Variants in SCD5 observed in about 807,000 individuals in gnomAD.
SCD5 encodes the protein acyl-CoA-desaturase 4.
Under a neutral mutation model 30.4 loss-of-function variants are expected in SCD5, and 20 were observed. That is an observed-to-expected ratio of 0.66 (90% CI 0.46 to 0.96). SCD5 has a LOEUF of 0.96. Among genes scored for constraint, SCD5 ranks in the 40% least tolerant of loss-of-function variants. The probability of loss-of-function intolerance (pLI) is 0.00; values close to 1 mark genes in which losing one functional copy is unlikely to be tolerated. For synonymous variants in SCD5, 173 were observed against 176.4 expected (o/e 0.98, Z 0.16); for missense variants, 381 against 443.3 (o/e 0.86, Z 1.26).
At chr4:82,751,230 C>CT (rs755998320) in intron 1 of SCD5, among the ~76,000 whole-genome samples, 10 of 152,176 alleles carry the variant, frequency 6.6e-5, no homozygotes, top group Non-Finnish European at 1.0e-4. Flanking sequence ...GAGTCTCACT[C>CT]TGTCGCTCAG....
intron 3 of SCD5, among the ~76,000 whole-genome samples, chr4:82,659,678 G>T (rs772454501): frequency 5.3e-5 from 8 of 152,148 alleles, no homozygotes; most frequent in Non-Finnish European, 7.3e-5. Flanking sequence ...TACTTTGATT[G>T]CACTGTGGTC....
intron 1 of SCD5, among the ~76,000 whole-genome samples, chr4:82,763,992 G>A (rs1721433283): frequency 6.6e-6 from 1 of 152,118 alleles, no homozygotes; most frequent in Non-Finnish European, 1.5e-5. Flanking sequence ...GTTGCGTGAT[G>A]TATCTTTTTC....
At chr4:82,639,072 A>G (rs555628875) in intron 3 of SCD5, among the ~76,000 whole-genome samples, 61 of 152,372 alleles carry the variant, frequency 4.0e-4, no homozygotes, top group African/African-American at 1.3e-3. Context: ...CTGAAAAAAC[A>G]TACGTCAATG....
At chr4:82,754,233 G>A (rs750822648) in intron 1 of SCD5, among the ~76,000 whole-genome samples, 22 of 152,102 alleles carry the variant, frequency 1.4e-4, no homozygotes, top group Non-Finnish European at 2.4e-4. Flanking sequence ...AAAGGAGAAG[G>A]GAGAGAAGAA....
intron 1 of SCD5, among the ~76,000 whole-genome samples, chr4:82,779,218 T>C (rs1721817275): frequency 1.3e-5 from 2 of 151,806 alleles, no homozygotes; most frequent in Non-Finnish European, 3.0e-5. Flanking sequence ...GTGGGTGTGC[T>C]TAATGTAATA....
chr4:82,753,779 G>C (rs1470890534), intron 1 of SCD5, among the ~76,000 whole-genome samples: 9 of 152,062 alleles, frequency 5.9e-5, no homozygotes, highest in Non-Finnish European at 1.3e-4. Flanking sequence ...AAAGCAGCCA[G>C]CACATACCCC....
At chr4:82,752,625 A>G (rs995552799) in intron 1 of SCD5, among the ~76,000 whole-genome samples, 4 of 152,094 alleles carry the variant, frequency 2.6e-5, no homozygotes, top group African/African-American at 4.8e-5. Context: ...CAGCTGAACA[A>G]TATCTGTCCC....
chr4:82,719,030 C>T (rs1160820662), intron 1 of SCD5, among the ~76,000 whole-genome samples: 1 of 151,796 alleles, frequency 6.6e-6, no homozygotes, highest in Non-Finnish European at 1.5e-5. Flanking sequence ...AGGGGGCTCG[C>T]TGCTAGCCGA....
chr4:82,766,298 C>T (rs1383409114), intron 1 of SCD5, among the ~76,000 whole-genome samples: 3 of 152,126 alleles, frequency 2.0e-5, no homozygotes, highest in South Asian at 2.1e-4. Flanking sequence ...TTTTTCCCTC[C>T]GTGTACTTTT....
At chr4:82,758,991 G>A (rs1182921028) in intron 1 of SCD5, among the ~76,000 whole-genome samples, 2 of 152,208 alleles carry the variant, frequency 1.3e-5, no homozygotes, top group African/African-American at 2.4e-5. Flanking sequence ...CTCCGCCCCA[G>A]CGCCCCGCTG....
intron 1 of SCD5, among the ~76,000 whole-genome samples, chr4:82,736,307 A>G (rs1720749116): frequency 1.3e-5 from 2 of 149,940 alleles, no homozygotes; most frequent in Non-Finnish European, 3.0e-5. Flanking sequence ...AAACAAAACA[A>G]AAAAAAAACC....
intron 3 of SCD5, among the ~76,000 whole-genome samples, chr4:82,658,387 T>C (rs989471613): frequency 2.0e-5 from 3 of 152,026 alleles, no homozygotes; most frequent in African/African-American, 7.2e-5. Flanking sequence ...GTTTATGTGA[T>C]GGATTACGTT....
chr4:82,647,776 G>A (rs958461582), intron 3 of SCD5, among the ~76,000 whole-genome samples: 1 of 152,170 alleles, frequency 6.6e-6, no homozygotes, highest in Non-Finnish European at 1.5e-5. Context: ...ATCATTTTAA[G>A]TAGCTGAGTT....
At chr4:82,641,139 C>T (rs994311211) in intron 3 of SCD5, among the ~76,000 whole-genome samples, 3 of 151,244 alleles carry the variant, frequency 2.0e-5, no homozygotes, top group African/African-American at 7.3e-5. Flanking sequence ...CCTATAATTC[C>T]AGCTACAGGG....
At chr4:82,717,698 T>A (rs1022647404) in intron 1 of SCD5, among the ~76,000 whole-genome samples, 2 of 151,658 alleles carry the variant, frequency 1.3e-5, no homozygotes, top group Non-Finnish European at 2.9e-5. Flanking sequence ...GGCAGATCAC[T>A]TGAGGTCAGG....
At chr4:82,728,771 G>C (rs531315621) in intron 1 of SCD5, among the ~76,000 whole-genome samples, 15 of 152,206 alleles carry the variant, frequency 9.9e-5, no homozygotes, top group African/African-American at 3.4e-4. Flanking sequence ...AGACCAATGT[G>C]AATGACAATT....
At chr4:82,653,703 T>TAGAC (rs1369520239) in intron 3 of SCD5, among the ~76,000 whole-genome samples, 1 of 118,740 alleles carries the variant, frequency 8.4e-6, no homozygotes, top group Non-Finnish European at 1.8e-5. Flanking sequence ...GATAGATAGA[T>TAGAC]AGATATAGAT....
intron 1 of SCD5, among the ~76,000 whole-genome samples, chr4:82,781,917 A>C (rs2868696): frequency 0.22 from 33,881 of 151,924 alleles, 4,546 homozygotes; most frequent in African/African-American, 0.38. Flanking sequence ...TGGTCATCAG[A>C]CCTCATCACC....
chr4:82,785,965 T>C (rs1047169107), intron 1 of SCD5, among the ~76,000 whole-genome samples: 4 of 152,230 alleles, frequency 2.6e-5, no homozygotes, highest in African/African-American at 9.6e-5. Context: ...CTTACGAACC[T>C]ATTAGAGGGG....
Sources: gnomAD v4.1 joint callset for allele counts (sites outside exome capture counted in the v4.1 genomes callset) on GRCh38, gnomAD v4.1.1 for gene constraint, MANE v1.5 for transcripts, NCBI Gene and HGNC (gene_info 2026-07-23, HGNC 2026-07-21) for gene names.